The following PTH variants were observed in gnomAD, a reference collection of about 807,000 sequenced individuals.
PTH encodes parathormone.
A neutral mutation model predicts 7.4 loss-of-function variants in PTH; 7 were observed. The observed-to-expected ratio is 0.94, with a 90% CI of 0.53 to 1.77. The LOEUF (loss-of-function observed/expected upper bound fraction) is 1.77, where lower values mean the gene tolerates loss of function less well. Among genes scored for constraint, PTH ranks in the 40% most tolerant of loss-of-function variants. The pLI is 0.00. For synonymous variants in PTH, 51 were observed against 46.6 expected, an observed-to-expected ratio of 1.09 and a Z score of -0.39; for missense variants, 128 against 137.1, an observed-to-expected ratio of 0.93 and a Z score of 0.33.
chr11:13,495,775 A>G (rs975766081), intron 1 of PTH, 136 bp downstream of exon 1: 2 of 152,210 alleles, frequency 1.3e-5, no homozygotes, highest in African/African-American at 2.4e-5. Context: ...GGCATTTTAT[A>G]TTAAACATAA....
Position 13,492,595 on chromosome 11 carries a change from T to G in PTH, c.158A>C (p.Glu53Ala). ...ATCCTGCAGCTTCTTACGCAGCCAT[T>G]CTACTCTCTCCATCGAGTTCAGATG... The part of the protein sequence containing the change: ...GKHLNSMERV[E>A]WLRKKLQDVH... The change falls in exon 3 of 3, where the codon GAA becomes GCA. Residue 53 changes from glutamate to alanine, a missense_variant. Coordinates refer to ENST00000282091, the MANE Select transcript of PTH (RefSeq NM_000315.4). 1 of 1,614,198 alleles carries G rather than the reference T, an allele frequency of 6.2e-7. No individual in the cohort carries two copies.
In PTH at chr11:13,492,285, T is replaced by G. The variant is rs1847482421; in HGVS notation, c.*120A>C. On this transcript the variant is annotated 3_prime_UTR_variant, in exon 3 of 3. Transcript: ENST00000282091. ...TTATCATGGCTAGTGATGGATTACATGTAGTTTGTTATATCAGAAATATTG... is the reference window on the plus strand; with the variant it reads ...TTATCATGGCTAGTGATGGATTACAGGTAGTTTGTTATATCAGAAATATTG... 2.4e-6 allele frequency: 3 copies of G among 1,226,800 alleles called. No homozygotes were observed. The Admixed American group carries it at 5.7e-5, about 23-fold the overall frequency. 76.0% of individuals were successfully genotyped at this position (1,226,800 alleles called of 1,614,324 possible).
chr11:13,492,297 T>C lies in PTH; in HGVS notation c.*108A>G, dbSNP rs1591194313. 8.0e-6 allele frequency: 11 copies of C among 1,381,318 alleles called. No individual in the cohort carries two copies. The highest frequency in any genetic ancestry group is 1.1e-5 in the Non-Finnish European group (11 of 993,844). 85.6% of individuals were successfully genotyped at this position (1,381,318 alleles called of 1,614,324 possible). A position where few individuals can be genotyped will look rare whatever the true frequency, so the allele number is the denominator to read the frequency against. The stretch of plus-strand genomic sequence containing the variant: ...GTGATGGATTACATGTAGTTTGTTA[T>C]ATCAGAAATATTGGCACTTGGAAAT... On this transcript the variant is annotated 3_prime_UTR_variant, in exon 3 of 3. Transcript: ENST00000282091.
rs779984006 is a variant in PTH at position 13,492,821 on chromosome 11, A to G, written c.35T>C (p.Ile12Thr). 5.6e-6 allele frequency: 9 copies of G among 1,613,864 alleles called. No homozygotes were observed. Among genetic ancestry groups the G allele is most frequent in the Non-Finnish European group, 1.7e-6 (2 of 1,179,954 alleles). ...IPAKDMAKVM[I>T]VMLAICFLTK... Reference sequence around the variant, plus strand: ...AAGAAAACAAATTGCCAACATGACAATCATAACTTTAGCCATGTCTTTTGC... The same window carrying G: ...AAGAAAACAAATTGCCAACATGACAGTCATAACTTTAGCCATGTCTTTTGC... The change falls in exon 2 of 3, where the codon ATT becomes ACT. Residue 12 changes from isoleucine to threonine, a missense_variant. Coordinates refer to ENST00000282091, the MANE Select transcript of PTH (RefSeq NM_000315.4).
chr11:13,493,863 C>T (rs1380869251), intron 1 of PTH, among the ~76,000 whole-genome samples: 1 of 152,010 alleles, frequency 6.6e-6, no homozygotes, highest in Non-Finnish European at 1.5e-5. Context: ...ATGATCCTCC[C>T]CCAGAATTAA....
At chr11:13,494,346 C>G (rs1283574782) in intron 1 of PTH, among the ~76,000 whole-genome samples, 1 of 152,246 alleles carries the variant, frequency 6.6e-6, no homozygotes, top group East Asian at 1.9e-4. Flanking sequence ...TTTTAAAGCC[C>G]TCTTCATTAT....
rs777751836 is a variant in PTH, at chr11:13,492,449, C to T, written c.304G>A (p.Asp102Asn). 2.0e-5 allele frequency: 32 copies of T among 1,613,914 alleles called. No homozygotes were observed. Among genetic ancestry groups the T allele is most frequent in the Non-Finnish European group, 2.5e-5 (30 of 1,180,006 alleles). ...GTTAATACATTCACATCAGCTTTGTCTGCCTCTCCAAGACTTTTTTCATGG... is the reference window on the plus strand; with the variant it reads ...GTTAATACATTCACATCAGCTTTGTTTGCCTCTCCAAGACTTTTTTCATGG... ...ESHEKSLGEA[D>N]KADVNVLTKA... Residue 102 changes from aspartate to asparagine, a missense_variant, in exon 3 of 3, where the codon GAC (aspartate) becomes AAC (asparagine). Asp to Asn is a conservative substitution (Grantham distance 23). Coordinates refer to ENST00000282091, the MANE Select transcript of PTH (RefSeq NM_000315.4).
rs1339891934 is a variant in PTH, at chr11:13,492,386, A to T, written c.*19T>A. Reference sequence around the variant, plus strand: ...CTACACTGTCTAGAGCAGAACTCTGACAATATCTGTTTTCATTTTCACTGG... The same window carrying T: ...CTACACTGTCTAGAGCAGAACTCTGTCAATATCTGTTTTCATTTTCACTGG... On this transcript the variant is annotated 3_prime_UTR_variant, in exon 3 of 3. Coordinates refer to ENST00000282091, the MANE Select transcript of PTH (RefSeq NM_000315.4). 1 of 1,608,478 alleles carries T rather than the reference A, an allele frequency of 6.2e-7. No individual in the cohort carries two copies. Among genetic ancestry groups the T allele is most frequent in the Non-Finnish European group, 8.5e-7 (1 of 1,179,908 alleles).
At position 13,492,210 on chromosome 11, in the gene PTH, A is replaced by G. The variant is rs1847481152; in HGVS notation, c.*195T>C. On this transcript the variant is annotated 3_prime_UTR_variant, in exon 3 of 3. Transcript: ENST00000282091. ...ATAAACAATAGAAAAGATAATTAAA[A>G]TAACTCAAATGAATAAAAGTGGAAT... The G allele has an allele frequency of 3.3e-6, 2 of 603,630 alleles. No homozygotes were observed. Among genetic ancestry groups the G allele is most frequent in the Non-Finnish European group, 2.8e-6 (1 of 360,548 alleles). 37.4% of individuals were successfully genotyped at this position (603,630 alleles called of 1,614,324 possible). A position where few individuals can be genotyped will look rare whatever the true frequency, so the allele number is the denominator to read the frequency against.
Position 13,492,355 on chromosome 11 carries a change from G to T in PTH, c.*50C>A, listed in dbSNP as rs764541819. 11 of 1,598,144 alleles carry T rather than the reference G, an allele frequency of 6.9e-6. 1 individual carries two copies. In the South Asian group the frequency reaches 8.8e-5, roughly 13 times the overall value. ...GAGCTTTGAATTAGCAGCATGTATT[G>T]TTGCCCTACACTGTCTAGAGCAGAA... is the stretch of plus-strand genomic sequence containing the variant. On this transcript the variant is annotated 3_prime_UTR_variant, in exon 3 of 3. Transcript: ENST00000282091.
intron 1 of PTH, among the ~76,000 whole-genome samples, chr11:13,495,570 A>G (rs893331321): frequency 2.0e-5 from 3 of 152,202 alleles, no homozygotes; most frequent in African/African-American, 7.2e-5. Context: ...TATTTAAATC[A>G]GAACTATTCA....
rs780166894 is a variant in PTH, at chr11:13,492,463, C to CT, written c.289dup (p.Ser97LysfsTer9). On this transcript the variant is annotated frameshift_variant, in exon 3 of 3. Transcript: ENST00000282091. LOFTEE classifies it high-confidence loss of function. The stretch of plus-strand genomic sequence containing the variant: ...ATCAGCTTTGTCTGCCTCTCCAAGA[C>CT]TTTTTTCATGGCTCTCAACCAAGAC... The CT allele has an allele frequency of 6.2e-7, 1 of 1,613,996 alleles. No homozygotes were observed. The highest frequency in any genetic ancestry group is 8.5e-7 in the Non-Finnish European group (1 of 1,180,028).
intron 1 of PTH, among the ~76,000 whole-genome samples, 161 bp downstream of exon 1, chr11:13,495,750 A>G (rs944495000): frequency 6.6e-6 from 1 of 152,212 alleles, no homozygotes; most frequent in Non-Finnish European, 1.5e-5. Flanking sequence ...AGTAGCATTA[A>G]TTTATTTTGT....
At chr11:13,495,170 A>G (rs981856325) in intron 1 of PTH, among the ~76,000 whole-genome samples, 4 of 152,206 alleles carry the variant, frequency 2.6e-5, no homozygotes, top group African/African-American at 9.6e-5. Flanking sequence ...ATTAACAATT[A>G]TCTTTTAATA....
In PTH at chr11:13,492,347, C is replaced by A; in HGVS notation, c.*58G>T. 6.3e-7 allele frequency: 1 copy of A among 1,592,384 alleles called. No homozygotes were observed. Among genetic ancestry groups the A allele is most frequent in the Non-Finnish European group, 8.5e-7 (1 of 1,171,930 alleles). On this transcript the variant is annotated 3_prime_UTR_variant, in exon 3 of 3. Coordinates refer to ENST00000282091, the MANE Select transcript of PTH (RefSeq NM_000315.4). ...TCTTAATAGAGCTTTGAATTAGCAG[C>A]ATGTATTGTTGCCCTACACTGTCTA... is the stretch of plus-strand genomic sequence containing the variant.
chr11:13,493,533 A>G (rs1404905978), intron 1 of PTH, among the ~76,000 whole-genome samples: 1 of 152,254 alleles, frequency 6.6e-6, no homozygotes, highest in Non-Finnish European at 1.5e-5. Flanking sequence ...TGAGTGATAA[A>G]CATCAAAAAT....
At chr11:13,496,083 A>G (rs965811659), upstream of PTH, 4 of 152,062 alleles carry the variant, frequency 2.6e-5, no homozygotes, top group African/African-American at 9.7e-5. Context: ...GTCACTCCCA[A>G]TTCTCTGGAT....
At position 13,492,174 on chromosome 11, in the gene PTH, C is replaced by A. The variant is rs1847480476; in HGVS notation, c.*231G>T. 5.8e-6 allele frequency: 3 copies of A among 513,700 alleles called. No individual in the cohort carries two copies. The highest frequency in any genetic ancestry group is 6.1e-5 in the South Asian group (2 of 32,852). 31.8% of individuals were successfully genotyped at this position (513,700 alleles called of 1,614,324 possible). ...CTTTTATAAATTATGCAATAACATA[C>A]TTTAAAAAGAATAAACAATAGAAAA... On this transcript the variant is annotated 3_prime_UTR_variant, in exon 3 of 3. Coordinates refer to ENST00000282091, the MANE Select transcript of PTH (RefSeq NM_000315.4).
rs1847481274 is a variant in PTH at position 13,492,214 on chromosome 11, C to G, written c.*191G>C. The G allele has an allele frequency of 3.3e-6, 2 of 603,264 alleles. No homozygotes were observed. Among genetic ancestry groups the G allele is most frequent in the African/African-American group, 3.8e-5 (2 of 52,706 alleles). The allele number at this position is 603,264 out of a possible 1,614,324, so 37.4% of individuals were successfully genotyped here. ...ACAATAGAAAAGATAATTAAAATAA[C>G]TCAAATGAATAAAAGTGGAATCAGA... On this transcript the variant is annotated 3_prime_UTR_variant, in exon 3 of 3. Coordinates refer to ENST00000282091, the MANE Select transcript of PTH (RefSeq NM_000315.4).
Sources: allele counts gnomAD v4.1 joint callset (sites outside exome capture counted in the v4.1 genomes callset), GRCh38; gene constraint gnomAD v4.1.1; transcripts MANE v1.5; gene names NCBI Gene and HGNC (gene_info 2026-07-23, HGNC 2026-07-21).